The following MED12L variants were observed in gnomAD, a reference collection of about 807,000 sequenced individuals.
MED12L encodes mediator complex subunit 12L.
In MED12L, 60 loss-of-function variants were observed where a neutral mutation model predicts 281.3. That is an observed-to-expected ratio of 0.21 (90% confidence interval 0.17 to 0.26). The LOEUF is 0.26. MED12L is among the 10% of genes least tolerant of loss of function. The pLI is 1.00. For synonymous variants in MED12L, 974 were observed against 987.2 expected, an observed-to-expected ratio of 0.99 and a Z score of 0.25; for missense variants, 2,146 against 2,680.9, an observed-to-expected ratio of 0.80 and a Z score of 4.41.
intron 16 of MED12L, among the ~76,000 whole-genome samples, chr3:151,255,892 A>T (rs1010000205): frequency 6.6e-6 from 1 of 152,182 alleles, no homozygotes; most frequent in African/African-American, 2.4e-5. Context: ...CATCTGCAAA[A>T]AGAGTCTAGT....
intron 12 of MED12L, chr3:151,188,125 G>A (rs147950629): frequency 0.011 from 3,467 of 305,784 alleles, 107 homozygotes; most frequent in African/African-American, 0.069. Context: ...CCCTGAACGC[G>A]CCCGATCTCG....
chr3:151,362,539 C>A (rs1404516635), intron 21 of MED12L, among the ~76,000 whole-genome samples: 1 of 152,128 alleles, frequency 6.6e-6, no homozygotes, highest in Non-Finnish European at 1.5e-5. Context: ...TTTTAAATAG[C>A]ACCCCCATGT....
chr3:151,355,799 T>C (rs1753844801), intron 18 of MED12L, 97 bp from the exon 19 acceptor site: 13 of 1,053,222 alleles, frequency 1.2e-5, no homozygotes, highest in African/African-American at 1.6e-5. Flanking sequence ...TAGAATCATG[T>C]ATAGATTCAA....
intron 3 of MED12L, 30 bp from the exon 4 acceptor site, chr3:151,122,753 A>T: frequency 6.6e-7 from 1 of 1,525,424 alleles, no homozygotes; most frequent in Non-Finnish European, 8.8e-7. Context: ...TATTGTCTTA[A>T]CTTTCCCTTT....
Position 151,156,270 on chromosome 3 carries a change from G to A in MED12L, c.666G>A (p.Glu222=), listed in dbSNP as rs201089474. 1.9e-6 allele frequency: 3 copies of A among 1,613,174 alleles called. No homozygotes were observed. The highest frequency in any genetic ancestry group is 2.5e-6 in the Non-Finnish European group (3 of 1,179,680). The change falls in exon 6 of 45, where the codon GAG becomes GAA. Residue 222 remains glutamate, a synonymous_variant. Coordinates refer to ENST00000687756, the MANE Select transcript of MED12L (RefSeq NM_001393769.1). ...ATGGCCCTGTCCCTGTGCCACCAGA[G>A]GTGGAGCAAGCCATGAAGCAATGGG... ...TGDGPVPVPP[E]VEQAMKQWEY... is the part of the protein sequence containing the mutation.
chr3:151,347,205 T>C (rs1752650590), intron 16 of MED12L, among the ~76,000 whole-genome samples: 1 of 152,190 alleles, frequency 6.6e-6, no homozygotes. Flanking sequence ...TCTCAACACT[T>C]AATCATCAGG....
chr3:151,369,328 G>A (rs750056395), intron 25 of MED12L, 108 bp from the exon 26 acceptor site: 3 of 631,772 alleles, frequency 4.7e-6, no homozygotes, highest in African/African-American at 1.8e-5. Context: ...CAAGCTAATG[G>A]CAATTAAGCA....
chr3:151,229,116 C>T (rs548927163), intron 16 of MED12L, among the ~76,000 whole-genome samples: 2 of 152,162 alleles, frequency 1.3e-5, no homozygotes, highest in Admixed American at 1.3e-4. Context: ...GCTTATATAG[C>T]CAAAGGAAAA....
rs562073339 is a variant in MED12L, at chr3:151,213,213, A to T, written c.2250+19547A>T. Reference sequence around the variant, plus strand: ...GGCAGTGCTAGAGATGATATTTATGATGAGGGCACATATCTTATTGATTTC... The same window carrying T: ...GGCAGTGCTAGAGATGATATTTATGTTGAGGGCACATATCTTATTGATTTC... On this transcript the variant is annotated intron_variant, in intron 16 of 44. Transcript: ENST00000687756. 4 of 996,298 alleles carry T rather than the reference A, an allele frequency of 4.0e-6. No individual in the cohort carries two copies. In the South Asian group the frequency reaches 5.0e-5, roughly 12 times the overall value. The allele number at this position is 996,298 out of a possible 1,614,324, so 61.7% of individuals were successfully genotyped here.
At chr3:151,106,301 T>TTTTCCTTTTCCC (rs1560051038) in intron 2 of MED12L, among the ~76,000 whole-genome samples, 13 of 97,792 alleles carry the variant, frequency 1.3e-4, no homozygotes, top group African/African-American at 3.9e-4. Context: ...TTCCTTTTCC[T>TTTTCCTTTTCCC]TTTCCTTCTC....
At chr3:151,317,399 AAG>A (rs1363554758) in intron 16 of MED12L, among the ~76,000 whole-genome samples, 1 of 150,312 alleles carries the variant, frequency 6.7e-6, no homozygotes, top group Non-Finnish European at 1.5e-5. Flanking sequence ...TGCTTTAAAA[AAG>A]CATCCAACAA....
At chr3:151,300,028 T>C (rs781100640) in intron 16 of MED12L, 6 of 1,417,430 alleles carry the variant, frequency 4.2e-6, no homozygotes, top group Non-Finnish European at 6.0e-6. Flanking sequence ...TAGTCATCAA[T>C]AAAGTAAGAT....
intron 5 of MED12L, among the ~76,000 whole-genome samples, chr3:151,128,911 T>C (rs745908733): frequency 8.5e-5 from 13 of 152,246 alleles, no homozygotes; most frequent in Admixed American, 1.3e-4. Flanking sequence ...TCCAGAGTTA[T>C]GCTGGCCATG....
chr3:151,369,647 A>G, intron 26 of MED12L, 98 bp downstream of exon 26: 1 of 749,686 alleles, frequency 1.3e-6, no homozygotes, highest in Non-Finnish European at 2.1e-6. Context: ...TATTGGAAAC[A>G]TGATACTGTT....
chr3:151,164,980 T>A (rs1720504544), intron 9 of MED12L, among the ~76,000 whole-genome samples: 1 of 151,848 alleles, frequency 6.6e-6, no homozygotes, highest in African/African-American at 2.4e-5. Flanking sequence ...TGTGCACATG[T>A]ACCCTAAAAC....
intron 2 of MED12L, among the ~76,000 whole-genome samples, chr3:151,098,396 C>T (rs148917009): frequency 3.7e-4 from 57 of 152,314 alleles, no homozygotes; most frequent in African/African-American, 5.1e-4. Context: ...AACCAACATT[C>T]GCTCATTCCC....
In MED12L at chr3:151,091,032, C is replaced by T. The variant is rs189977932; in HGVS notation, c.99+4007C>T. Among the ~76,000 whole-genome samples, 4 of 152,236 alleles carry T rather than the reference C, an allele frequency of 2.6e-5. No individual in the cohort carries two copies. In the East Asian group the frequency reaches 7.7e-4, roughly 29 times the overall value. ...CTCCAGCCTGGGGGACAGAGCAAGA[C>T]TGCATCTCAAAAACAAAACAAAACA... On this transcript the variant is annotated intron_variant, in intron 2 of 44. Coordinates refer to ENST00000687756, the MANE Select transcript of MED12L (RefSeq NM_001393769.1).
chr3:151,380,076 CT>C, intron 31 of MED12L, 36 bp from the exon 32 acceptor site: 2 of 1,289,112 alleles, frequency 1.6e-6, no homozygotes, highest in Non-Finnish European at 2.2e-6. Flanking sequence ...TGCATTATTT[CT>C]AACTAGATCT....
intron 3 of MED12L, among the ~76,000 whole-genome samples, chr3:151,118,161 T>TA: frequency 6.6e-6 from 1 of 151,740 alleles, no homozygotes; most frequent in East Asian, 1.9e-4. Flanking sequence ...AGGGTTTTTT[T>TA]TATATATATA....
Sources: gnomAD v4.1 joint callset for allele counts (sites outside exome capture counted in the v4.1 genomes callset) on GRCh38, gnomAD v4.1.1 for gene constraint, MANE v1.5 for transcripts, NCBI Gene and HGNC (gene_info 2026-07-23, HGNC 2026-07-21) for gene names.